Variants in B3GALT1 observed in about 807,000 individuals in gnomAD.
B3GALT1 encodes the protein UDP-Gal:betaGlcNAc beta 1,3-galactosyltransferase, polypeptide 1.
A neutral mutation model predicts 23.2 loss-of-function variants in B3GALT1; 10 were observed. The observed-to-expected ratio is 0.43, with a 90% CI of 0.27 to 0.73. The LOEUF (loss-of-function observed/expected upper bound fraction) is 0.73, where lower values mean the gene tolerates loss of function less well. B3GALT1 is among the 30% of genes least tolerant of loss of function. B3GALT1 has a pLI of 0.21. For synonymous variants in B3GALT1, 156 were observed against 141.5 expected (o/e 1.10, Z -0.73); for missense variants, 299 against 405.4 (o/e 0.74, Z 2.25).
chr2:167,689,074 CA>C (rs775078712), intron 3 of B3GALT1, among the ~76,000 whole-genome samples: 2 of 142,556 alleles, frequency 1.4e-5, no homozygotes, highest in African/African-American at 2.6e-5. Flanking sequence ...TTGCTGTTTT[CA>C]ATTGAAAATA....
Position 167,873,931 on chromosome 2 carries a change from C to CT in B3GALT1, c.*3912dup, listed in dbSNP as rs1399905739. ...CTTCACCTTCCTCTTGAAATGTAAA[C>CT]TGTTGACTGAAAGCGCAATGCTTAT... On this transcript the variant is annotated 3_prime_UTR_variant, in exon 5 of 5. Coordinates refer to ENST00000392690, the MANE Select transcript of B3GALT1 (RefSeq NM_020981.4). 1 of 152,186 alleles carries CT rather than the reference C, an allele frequency of 6.6e-6. No individual in the cohort carries two copies. Among genetic ancestry groups the CT allele is most frequent in the African/African-American group, 2.4e-5 (1 of 41,448 alleles). The allele number at this position is 152,186 out of a possible 1,614,324, so 9.4% of individuals were successfully genotyped here.
At chr2:167,528,797 ATTTATT>A (rs1683267573) in intron 2 of B3GALT1, among the ~76,000 whole-genome samples, 1 of 152,028 alleles carries the variant, frequency 6.6e-6, no homozygotes, top group African/African-American at 2.4e-5. Flanking sequence ...AATACTTTTC[ATTTATT>A]TTGTTTTGTT....
At chr2:167,446,500 C>G (rs1698994830) in intron 1 of B3GALT1, among the ~76,000 whole-genome samples, 2 of 152,302 alleles carry the variant, frequency 1.3e-5, no homozygotes, top group African/African-American at 2.4e-5. Context: ...CTCAGGTACA[C>G]CAGTCAGACA....
At chr2:167,549,457 C>G (rs138815999) in intron 2 of B3GALT1, among the ~76,000 whole-genome samples, 1 of 152,286 alleles carries the variant, frequency 6.6e-6, no homozygotes, top group Non-Finnish European at 1.5e-5. Flanking sequence ...CAGACGAGTT[C>G]CTGACAACAA....
chr2:167,752,145 T>C (rs1687747979), intron 3 of B3GALT1, among the ~76,000 whole-genome samples: 1 of 152,056 alleles, frequency 6.6e-6, no homozygotes, highest in Non-Finnish European at 1.5e-5. Flanking sequence ...AGAATTTAAC[T>C]TGGAAATTGC....
chr2:167,655,201 C>A (rs1402995822), intron 3 of B3GALT1, among the ~76,000 whole-genome samples: 1 of 152,072 alleles, frequency 6.6e-6, no homozygotes, highest in Non-Finnish European at 1.5e-5. Flanking sequence ...GATCTTGAAA[C>A]AAGCAGGAAG....
chr2:167,682,996 T>C (rs1277076092), intron 3 of B3GALT1, among the ~76,000 whole-genome samples: 1 of 152,208 alleles, frequency 6.6e-6, no homozygotes, highest in African/African-American at 2.4e-5. Context: ...TTAATATTTA[T>C]TTCTGGTTAC....
intron 1 of B3GALT1, among the ~76,000 whole-genome samples, chr2:167,354,550 T>G (rs1697370824): frequency 6.6e-6 from 1 of 152,106 alleles, no homozygotes; most frequent in Admixed American, 6.6e-5. Flanking sequence ...TTTCACCATG[T>G]TGGCCAGGAT....
chr2:167,329,420 C>A (rs1371772987), intron 1 of B3GALT1, among the ~76,000 whole-genome samples: 1 of 152,086 alleles, frequency 6.6e-6, no homozygotes, highest in Non-Finnish European at 1.5e-5. Context: ...TAATGTGTAT[C>A]CTGGAGAATG....
chr2:167,435,983 GCACACACA>G (rs149818630), intron 1 of B3GALT1, among the ~76,000 whole-genome samples: 2 of 139,112 alleles, frequency 1.4e-5, no homozygotes, highest in East Asian at 2.1e-4. Flanking sequence ...ACACACACAC[GCACACACA>G]CACACGCACT....
chr2:167,640,436 AT>A (rs1159699080), intron 2 of B3GALT1, among the ~76,000 whole-genome samples: 2 of 152,016 alleles, frequency 1.3e-5, no homozygotes, highest in Middle Eastern at 3.4e-3. Context: ...CTTGGAATAT[AT>A]TTTTTTCTCT....
intron 3 of B3GALT1, among the ~76,000 whole-genome samples, chr2:167,749,366 C>G (rs1687698767): frequency 6.6e-6 from 1 of 152,176 alleles, no homozygotes; most frequent in Non-Finnish European, 1.5e-5. Context: ...TCCCAGAATC[C>G]TATGCCACGG....
chr2:167,731,262 C>T (rs549331082), intron 3 of B3GALT1, among the ~76,000 whole-genome samples: 2 of 152,290 alleles, frequency 1.3e-5, no homozygotes, highest in Admixed American at 6.5e-5. Flanking sequence ...CCTAGCTAGT[C>T]ATCAGTAAAT....
intron 1 of B3GALT1, among the ~76,000 whole-genome samples, chr2:167,363,824 T>G (rs1451416071): frequency 6.6e-6 from 1 of 152,022 alleles, no homozygotes; most frequent in East Asian, 1.9e-4. Context: ...AGTTTTGCAA[T>G]GAGAGAATAA....
chr2:167,599,935 C>T (rs948202201), intron 2 of B3GALT1, among the ~76,000 whole-genome samples: 2 of 152,034 alleles, frequency 1.3e-5, no homozygotes, highest in Non-Finnish European at 2.9e-5. Flanking sequence ...AAAAAGACAG[C>T]AATAAGCAAA....
intron 1 of B3GALT1, among the ~76,000 whole-genome samples, chr2:167,350,783 G>T (rs1697297141): frequency 6.6e-6 from 1 of 152,160 alleles, no homozygotes; most frequent in African/African-American, 2.4e-5. Flanking sequence ...GCAAGGAGCT[G>T]CATCTTGTGC....
At chr2:167,461,912 A>G (rs1269539155) in intron 1 of B3GALT1, among the ~76,000 whole-genome samples, 1 of 152,192 alleles carries the variant, frequency 6.6e-6, no homozygotes, top group Non-Finnish European at 1.5e-5. Context: ...ATGTTTTACC[A>G]TGTTGCAATA....
At chr2:167,606,319 T>C (rs904847217) in intron 2 of B3GALT1, among the ~76,000 whole-genome samples, 1 of 152,204 alleles carries the variant, frequency 6.6e-6, no homozygotes, top group Non-Finnish European at 1.5e-5. Flanking sequence ...TGAAAGTAAC[T>C]ATTATCACAA....
intron 2 of B3GALT1, among the ~76,000 whole-genome samples, chr2:167,578,283 A>G (rs1684419547): frequency 6.6e-6 from 1 of 151,992 alleles, no homozygotes; most frequent in Non-Finnish European, 1.5e-5. Flanking sequence ...TTTCCTGATT[A>G]CAGATGTGAA....
Sources: allele counts gnomAD v4.1 joint callset (sites outside exome capture counted in the v4.1 genomes callset), GRCh38; gene constraint gnomAD v4.1.1; transcripts MANE v1.5; gene names NCBI Gene and HGNC (gene_info 2026-07-23, HGNC 2026-07-21).